The following NIBAN1 variants were observed in gnomAD, a reference collection of about 807,000 sequenced individuals.
NIBAN1 encodes the protein protein Niban 1.
NIBAN1 carries 81 observed loss-of-function variants against 75.1 expected under a neutral mutation model. The ratio of observed to expected loss-of-function variants is 1.08; its 90% CI spans 0.90 to 1.30. The LOEUF is 1.30. Among genes scored for constraint, NIBAN1 ranks in the 50% most tolerant of loss-of-function variants. The pLI is 0.00. For synonymous variants in NIBAN1, 436 were observed against 424.8 expected, an observed-to-expected ratio of 1.03 and a Z score of -0.32; for missense variants, 1,133 against 1,128.1, an observed-to-expected ratio of 1.00 and a Z score of -0.06.
At chr1:184,948,038 A>G (rs1410520327) in intron 1 of NIBAN1, among the ~76,000 whole-genome samples, 1 of 152,216 alleles carries the variant, frequency 6.6e-6, no homozygotes, top group East Asian at 1.9e-4. Context: ...AGCAAAATGG[A>G]AAAATAATGG....
At chr1:184,866,502 A>T (rs997623962) in intron 5 of NIBAN1, among the ~76,000 whole-genome samples, 1 of 152,184 alleles carries the variant, frequency 6.6e-6, no homozygotes, top group African/African-American at 2.4e-5. Context: ...TAAGATGATA[A>T]TGTGTAACAA....
chr1:184,811,858 C>A (rs140393519), intron 9 of NIBAN1, among the ~76,000 whole-genome samples: 1,665 of 152,222 alleles, frequency 0.011, 28 homozygotes, highest in African/African-American at 0.037. Flanking sequence ...ACGGTTTTGG[C>A]ACTACAGGAT....
In NIBAN1 at chr1:184,973,878, A is replaced by T. The variant is rs180978354; in HGVS notation, c.55+424T>A. On this transcript the variant is annotated intron_variant, in intron 1 of 13. Transcript: ENST00000367511. ...GCCAGGCCAACATTACTAAGAGGGA[A>T]ATTCTGCTTTAGCTGCCGGGAATCC... is the stretch of plus-strand genomic sequence containing the variant. 2.4e-3 allele frequency among the ~76,000 whole-genome samples: 370 copies of T among 152,376 alleles called. 2 individuals are homozygous for T. The highest frequency in any genetic ancestry group is 0.017 in the Middle Eastern group (5 of 294).
At position 184,798,152 on chromosome 1, in the gene NIBAN1, A is replaced by G; in HGVS notation, c.1593T>C (p.His531=). Residue 531 remains histidine, a synonymous_variant, in exon 13 of 14, where the codon CAT becomes CAC. Transcript: ENST00000367511. ...QKYEQFIFAD[H]TNMIHVENVY... is the part of the protein sequence containing the mutation. ...CATTTTCAACGTGAATCATATTGGT[A>G]TGATCTGCAAAGATGAACTGCTCGT... The G allele has an allele frequency of 1.2e-6, 2 of 1,609,940 alleles. No individual in the cohort carries two copies. Among genetic ancestry groups the G allele is most frequent in the Non-Finnish European group, 1.7e-6 (2 of 1,176,798 alleles).
intron 6 of NIBAN1, 151 bp downstream of exon 6, chr1:184,831,696 A>G (rs1233622510): frequency 1.6e-6 from 1 of 627,988 alleles, no homozygotes; most frequent in Non-Finnish European, 2.8e-6. Flanking sequence ...TTTCCTGACC[A>G]ATGCTTGCAG....
At chr1:184,834,209 T>G (rs1443990718) in intron 5 of NIBAN1, among the ~76,000 whole-genome samples, 2 of 152,230 alleles carry the variant, frequency 1.3e-5, no homozygotes, top group Non-Finnish European at 2.9e-5. Flanking sequence ...TATGGCTGCA[T>G]AGTATTCCAT....
At chr1:184,864,366 A>G (rs1220163231) in intron 5 of NIBAN1, among the ~76,000 whole-genome samples, 1 of 152,104 alleles carries the variant, frequency 6.6e-6, no homozygotes, top group Non-Finnish European at 1.5e-5. Context: ...TTTCATTTTT[A>G]TTTTCTTCCT....
intron 2 of NIBAN1, among the ~76,000 whole-genome samples, chr1:184,897,989 C>G (rs79632420): frequency 6.6e-6 from 1 of 152,148 alleles, no homozygotes; most frequent in Non-Finnish European, 1.5e-5. Context: ...AGAGGCCAGA[C>G]AGATCATCTA....
rs575062886 is a variant in NIBAN1, at chr1:184,882,695, T to C, written c.601+1938A>G. ...AAACTCCTCAGAGAAAGTCCTATTA[T>C]GTACATGAAAGGGGGAATGCAGTAA... On this transcript the variant is annotated intron_variant, in intron 5 of 13. Coordinates refer to ENST00000367511, the MANE Select transcript of NIBAN1 (RefSeq NM_052966.4). Among the ~76,000 whole-genome samples the C allele has an allele frequency of 1.2e-4, 19 of 152,246 alleles. No individual in the cohort carries two copies. In the South Asian group the frequency reaches 2.9e-3, roughly 23 times the overall value.
In NIBAN1 at chr1:184,818,740, T is replaced by C; in HGVS notation, c.1071A>G (p.Pro357=). 6.2e-7 allele frequency: 1 copy of C among 1,613,620 alleles called. No homozygotes were observed. The highest frequency in any genetic ancestry group is 2.2e-5 in the East Asian group (1 of 44,880). The change falls in exon 9 of 14, where the codon CCA becomes CCG. Residue 357 remains proline (P), a synonymous_variant. Coordinates refer to ENST00000367511, the MANE Select transcript of NIBAN1 (RefSeq NM_052966.4). ...LASILEELMG[P]VSSGFSEVRV... ...GTACTTCACTGAATCCCGAGCTCAC[T>C]GGTCCCATGAGCTCCTCCAGGATGG...
chr1:184,865,980 G>T (rs1233832282), intron 5 of NIBAN1, among the ~76,000 whole-genome samples: 1 of 152,136 alleles, frequency 6.6e-6, no homozygotes, highest in Non-Finnish European at 1.5e-5. Flanking sequence ...AATCCGGAAT[G>T]CTTTATTAAC....
intron 4 of NIBAN1, among the ~76,000 whole-genome samples, chr1:184,885,031 G>T (rs1270881642): frequency 1.3e-5 from 2 of 152,124 alleles, no homozygotes; most frequent in Non-Finnish European, 2.9e-5. Context: ...CACAGGGACA[G>T]TGAGGATACC....
At chr1:184,827,556 T>C (rs563520301) in intron 6 of NIBAN1, among the ~76,000 whole-genome samples, 2 of 116,264 alleles carry the variant, frequency 1.7e-5, no homozygotes, top group Non-Finnish European at 3.6e-5. Flanking sequence ...CTAAAAATAC[T>C]TCAGTTTTTT....
At chr1:184,820,821 C>T (rs1654677455) in intron 8 of NIBAN1, among the ~76,000 whole-genome samples, 1 of 152,204 alleles carries the variant, frequency 6.6e-6, no homozygotes, top group African/African-American at 2.4e-5. Context: ...AAATGGAGAT[C>T]ATAAAAGCAA....
intron 1 of NIBAN1, among the ~76,000 whole-genome samples, chr1:184,934,639 G>A (rs1473919509): frequency 6.6e-6 from 1 of 152,196 alleles, no homozygotes; most frequent in Non-Finnish European, 1.5e-5. Flanking sequence ...GCTCACGCCT[G>A]TAATCCCAGC....
At chr1:184,839,919 AT>A (rs1655239200) in intron 5 of NIBAN1, among the ~76,000 whole-genome samples, 2 of 152,074 alleles carry the variant, frequency 1.3e-5, no homozygotes, top group African/African-American at 2.4e-5. Flanking sequence ...TTTTAAGGTT[AT>A]TTTAAAAGAG....
chr1:184,835,625 C>T (rs147724234), intron 5 of NIBAN1, among the ~76,000 whole-genome samples: 3,291 of 152,228 alleles, frequency 0.022, 87 homozygotes, highest in East Asian at 0.074. Context: ...GGAGTTCACT[C>T]ACGATTTGGC....
rs549020366 is a variant in NIBAN1 at position 184,818,896 on chromosome 1, A to G, written c.986-71T>C. On this transcript the variant is annotated intron_variant, in intron 8 of 13. Coordinates refer to ENST00000367511, the MANE Select transcript of NIBAN1 (RefSeq NM_052966.4). ...GGTTTGTGGGCACTGGAGCCAGACCAGAGCTGAATGGTGCCCCACGGAGCC... is the reference window on the plus strand; with the variant it reads ...GGTTTGTGGGCACTGGAGCCAGACCGGAGCTGAATGGTGCCCCACGGAGCC... 31 of 1,499,630 alleles carry G rather than the reference A, an allele frequency of 2.1e-5. 1 individual carries two copies. The highest frequency in any genetic ancestry group is 5.0e-4 in the Middle Eastern group (2 of 3,970). 92.9% of individuals were successfully genotyped at this position (1,499,630 alleles called of 1,614,324 possible). A position where few individuals can be genotyped will look rare whatever the true frequency, so the allele number is the denominator to read the frequency against.
At chr1:184,923,537 G>A (rs1017822868) in intron 1 of NIBAN1, among the ~76,000 whole-genome samples, 3 of 152,014 alleles carry the variant, frequency 2.0e-5, no homozygotes, top group African/African-American at 7.2e-5. Context: ...TGATAGCTTT[G>A]GCTATCCTGG....
Sources: allele counts gnomAD v4.1 joint callset (sites outside exome capture counted in the v4.1 genomes callset), GRCh38; gene constraint gnomAD v4.1.1; transcripts MANE v1.5; gene names NCBI Gene and HGNC (gene_info 2026-07-23, HGNC 2026-07-21).